OAS3: variants seen among roughly 807,000 people sequenced by gnomAD.
OAS3 encodes the protein 2'-5'-oligoadenylate synthetase 3, also known as 2'-5'-oligoadenylate synthase 3.
A neutral mutation model predicts 113.0 loss-of-function variants in OAS3; 107 were observed. The observed-to-expected ratio is 0.95, with a 90% CI of 0.81 to 1.11. OAS3 has a LOEUF of 1.11. OAS3 is among the 50% of genes most tolerant of loss of function. The pLI, the probability that OAS3 is intolerant of heterozygous loss-of-function variation, is 0.00. For missense variants in OAS3, 1,258 were observed against 1,389.1 expected, an observed-to-expected ratio of 0.91 and a Z score of 1.50; for synonymous variants, 552 against 573.6, an observed-to-expected ratio of 0.96 and a Z score of 0.54.
chr12:112,960,679 G>A (rs576010890), intron 7 of OAS3, among the ~76,000 whole-genome samples: 79 of 152,198 alleles, frequency 5.2e-4, no homozygotes, highest in Middle Eastern at 3.4e-3. Flanking sequence ...AACTAGACCC[G>A]AAGAGGTAAA....
chr12:112,944,507 A>G lies in OAS3; in HGVS notation c.492A>G (p.Pro164=), dbSNP rs2043709089. 5.6e-6 allele frequency: 9 copies of G among 1,614,056 alleles called. No homozygotes were observed. The highest frequency in any genetic ancestry group is 7.6e-6 in the Non-Finnish European group (9 of 1,179,902). ...CCGGCTCCGGCGTCAAACCCAAGCCACAAGTCTACTCTACCCTCCTCAACA... is the reference window on the plus strand; with the variant it reads ...CCGGCTCCGGCGTCAAACCCAAGCCGCAAGTCTACTCTACCCTCCTCAACA... ...GQAGSGVKPK[P]QVYSTLLNSG... The change falls in exon 3 of 16, where the codon CCA becomes CCG. Residue 164 remains proline, a synonymous_variant. Coordinates refer to ENST00000228928, the MANE Select transcript of OAS3 (RefSeq NM_006187.4).
intron 2 of OAS3, among the ~76,000 whole-genome samples, chr12:112,942,918 C>T (rs1420610035): frequency 6.6e-6 from 1 of 151,764 alleles, no homozygotes; most frequent in Non-Finnish European, 1.5e-5. Flanking sequence ...AGTGTACCCA[C>T]ATACTGGGTA....
At position 112,972,935 on chromosome 12, in the gene OAS3, T is replaced by C. The variant is rs182194564; in HGVS notation, c.*2962T>C. 6.6e-6 allele frequency: 1 copy of C among 151,782 alleles called. No individual in the cohort carries two copies. Among genetic ancestry groups the C allele is most frequent in the East Asian group, 1.9e-4 (1 of 5,184 alleles). 9.4% of individuals were successfully genotyped at this position (151,782 alleles called of 1,614,324 possible). A position where few individuals can be genotyped will look rare whatever the true frequency, so the allele number is the denominator to read the frequency against. Reference sequence around the variant, plus strand: ...GTGTTTAATTTTTAAAAAGTTTTTATTGAGATACAAGTCAATACCATAAAG... The same window carrying C: ...GTGTTTAATTTTTAAAAAGTTTTTACTGAGATACAAGTCAATACCATAAAG... On this transcript the variant is annotated 3_prime_UTR_variant, in exon 16 of 16. Transcript: ENST00000228928.
intron 5 of OAS3, among the ~76,000 whole-genome samples, chr12:112,948,585 G>A (rs1233648434): frequency 2.6e-5 from 4 of 152,060 alleles, no homozygotes; most frequent in Non-Finnish European, 5.9e-5. Flanking sequence ...ACTGCCCGGG[G>A]GAAGGAGTCC....
chr12:112,964,368 G>A lies in OAS3; in HGVS notation c.2363G>A (p.Cys788Tyr), dbSNP rs759008859. The A allele has an allele frequency of 1.7e-5, 27 of 1,612,596 alleles. No individual in the cohort carries two copies. Among genetic ancestry groups the A allele is most frequent in the Non-Finnish European group, 2.2e-5 (26 of 1,179,408 alleles). Residue 788 changes from cysteine to tyrosine, a missense_variant, in exon 11 of 16, where the codon TGC becomes TAC. Cys to Tyr is a radical substitution (Grantham distance 194). Transcript: ENST00000228928. The stretch of plus-strand genomic sequence containing the variant: ...ATCTGTTCATTTTTGAAGGAAAACT[G>A]CTTCCGGAATTCTCCCATCAAAGTG... ...DTICSFLKEN[C>Y]FRNSPIKVIK...
intron 7 of OAS3, among the ~76,000 whole-genome samples, chr12:112,957,686 A>G (rs575577983): frequency 3.9e-5 from 6 of 152,284 alleles, no homozygotes; most frequent in Admixed American, 3.3e-4. Context: ...TGGCTTGTAG[A>G]GTTTCTGCCG....
At position 112,961,144 on chromosome 12, in the gene OAS3, C is replaced by T. The variant is rs750081904; in HGVS notation, c.1731C>T (p.Gly577=). The change falls in exon 8 of 16, where the codon GGC becomes GGT. Residue 577 remains glycine, a synonymous_variant. Transcript: ENST00000228928. ...TCCTCACCAGTGGCTGCCAGGAGGG[C>T]GAGCATAAGGCCTGCTTCGCAGAGC... ...SRLLTSGCQE[G]EHKACFAELR... 13 of 1,613,272 alleles carry T rather than the reference C, an allele frequency of 8.1e-6. No individual in the cohort carries two copies. In the East Asian group the frequency reaches 8.9e-5, roughly 11 times the overall value.
Position 112,963,382 on chromosome 12 carries a change from G to C in OAS3, c.2154G>C (p.Gln718His). The C allele has an allele frequency of 6.4e-7, 1 of 1,554,710 alleles. No homozygotes were observed. The highest frequency in any genetic ancestry group is 8.7e-7 in the Non-Finnish European group (1 of 1,148,634). The change falls in exon 10 of 16, where the codon CAG (glutamine) becomes CAC (histidine). Residue 718 changes from glutamine to histidine, a missense_variant. Gln to His is a conservative substitution (Grantham distance 24, BLOSUM62 0). Coordinates refer to ENST00000228928, the MANE Select transcript of OAS3 (RefSeq NM_006187.4). The surrounding 1 kb of genome is among the most constrained non-coding windows in gnomAD (Gnocchi z 4.6). ...ACGGTAGCTGGGAGCTGTTGGCCCA[G>C]GAAGCAGCAGCGCTGGGGATGCAGG... The part of the protein sequence containing the change: ...VGHGSWELLA[Q>H]EAAALGMQAC...
rs1212435730 is a variant in OAS3, at chr12:112,950,696, G to A, written c.1378G>A (p.Gly460Ser). The change falls in exon 7 of 16, where the codon GGC (glycine) becomes AGC (serine). Residue 460 changes from glycine to serine, a missense_variant. Coordinates refer to ENST00000228928, the MANE Select transcript of OAS3 (RefSeq NM_006187.4). ...TGAGCTGTTCTTCCCTCCACAGGGG[G>A]GCTCATTTGGCCGGGGCACAGACCT... is the stretch of plus-strand genomic sequence containing the variant. The part of the protein sequence containing the change: ...VHKASRVSKG[G>S]SFGRGTDLRD... The A allele has an allele frequency of 6.2e-7, 1 of 1,613,872 alleles. No homozygotes were observed. Among genetic ancestry groups the A allele is most frequent in the Non-Finnish European group, 8.5e-7 (1 of 1,179,868 alleles).
At chr12:112,959,153 G>A (rs1339913884) in intron 7 of OAS3, among the ~76,000 whole-genome samples, 1 of 152,238 alleles carries the variant, frequency 6.6e-6, no homozygotes, top group African/African-American at 2.4e-5. Flanking sequence ...CCAGGTGCAG[G>A]ATATAATCTC....
chr12:112,955,056 C>T (rs1398454230), intron 7 of OAS3, among the ~76,000 whole-genome samples: 1 of 152,126 alleles, frequency 6.6e-6, no homozygotes, highest in Non-Finnish European at 1.5e-5. Context: ...AAGTTGGATT[C>T]CTGGGTATTT....
intron 12 of OAS3, 137 bp from the exon 13 acceptor site, chr12:112,967,281 C>A: frequency 1.4e-6 from 1 of 731,200 alleles, no homozygotes; most frequent in Non-Finnish European, 2.2e-6. Flanking sequence ...TAAAAACACC[C>A]TGTGGCCTCC....
At position 112,973,126 on chromosome 12, in the gene OAS3, C is replaced by T. The variant is rs2043999947; in HGVS notation, c.*3153C>T. ...ACATTTTCATCACCCTAAAAGGAAA[C>T]CCTGAAACCCATTAGCAGTCATTCC... On this transcript the variant is annotated 3_prime_UTR_variant, in exon 16 of 16. Transcript: ENST00000228928. The T allele has an allele frequency of 6.6e-6, 1 of 152,068 alleles. No individual in the cohort carries two copies. The highest frequency in any genetic ancestry group is 2.1e-4 in the South Asian group (1 of 4,814). The allele number at this position is 152,068 out of a possible 1,614,324, so 9.4% of individuals were successfully genotyped here.
Position 112,954,989 on chromosome 12 carries a change from T to G in OAS3, c.1657+4014T>G, listed in dbSNP as rs546689032. ...TCTTCCATTTGTTTGTGTCCTGTTT[T>G]ATTTCACTGAGCAGTGGTTTGTAGT... On this transcript the variant is annotated intron_variant, in intron 7 of 15. Transcript: ENST00000228928. This position sits in a 1 kb window ranked among gnomAD's most constrained non-coding sequence, Gnocchi z 4.0. Among the ~76,000 whole-genome samples, 30 of 152,232 alleles carry G rather than the reference T, an allele frequency of 2.0e-4. No homozygotes were observed. Among genetic ancestry groups the G allele is most frequent in the Non-Finnish European group, 3.7e-4 (25 of 68,040 alleles).
At position 112,966,085 on chromosome 12, in the gene OAS3, G is replaced by A. The variant is rs551782049; in HGVS notation, c.2689+56G>A. 37 of 1,584,444 alleles carry A rather than the reference G, an allele frequency of 2.3e-5. No individual in the cohort carries two copies. In the East Asian group the frequency reaches 4.0e-4, roughly 17 times the overall value. On this transcript the variant is annotated intron_variant, in intron 12 of 15. Coordinates refer to ENST00000228928, the MANE Select transcript of OAS3 (RefSeq NM_006187.4). Reference sequence around the variant, plus strand: ...GGAAATACAGAGGCAGGGCCGCCATGGGCAGTTGTAGAGGTTGCACAGTAC... The same window carrying A: ...GGAAATACAGAGGCAGGGCCGCCATAGGCAGTTGTAGAGGTTGCACAGTAC...
intron 2 of OAS3, chr12:112,942,286 CTTGAG>C (rs1481059441): frequency 6.4e-6 from 2 of 311,036 alleles, no homozygotes; most frequent in Non-Finnish European, 1.2e-5. Flanking sequence ...TACACGTATG[CTTGAG>C]TTAAGATAAA....
chr12:112,957,003 T>TTATGAATC (rs1218173983), intron 7 of OAS3, among the ~76,000 whole-genome samples: 1 of 152,204 alleles, frequency 6.6e-6, no homozygotes, highest in African/African-American at 2.4e-5. Context: ...AGGACTTGCT[T>TTATGAATC]TATGAATCTG....
At chr12:112,966,840 G>GA (rs767206921) in intron 12 of OAS3, among the ~76,000 whole-genome samples, 1 of 152,164 alleles carries the variant, frequency 6.6e-6, no homozygotes, top group Non-Finnish European at 1.5e-5. Context: ...ATGGGGATAT[G>GA]ACTATGTTGC....
intron 12 of OAS3, among the ~76,000 whole-genome samples, chr12:112,966,903 G>C: frequency 6.6e-6 from 1 of 152,256 alleles, no homozygotes; most frequent in South Asian, 2.1e-4. Context: ...AGTGGCCTTC[G>C]AGAGTGCTGG....
Sources: gnomAD v4.1 joint callset for allele counts (sites outside exome capture counted in the v4.1 genomes callset) on GRCh38, gnomAD v4.1.1 for gene constraint, Gnocchi (gnomAD v3.1) non-coding constraint, MANE v1.5 for transcripts, NCBI Gene and HGNC (gene_info 2026-07-23, HGNC 2026-07-21) for gene names.